Variants in SYCP1 observed in about 807,000 individuals in gnomAD.
SYCP1 encodes the protein synaptonemal complex protein 1, also known as cancer/testis antigen 8.
In SYCP1, 64 loss-of-function variants were observed where a neutral mutation model predicts 153.1. That is an observed-to-expected ratio of 0.42 (90% CI 0.34 to 0.51). The LOEUF is 0.51. Among genes scored for constraint, SYCP1 ranks in the 20% least tolerant of loss-of-function variants. The probability of loss-of-function intolerance (pLI) is 0.06; values close to 1 mark genes in which losing one functional copy is unlikely to be tolerated. For missense variants in SYCP1, 997 were observed against 1,049.0 expected (o/e 0.95, Z 0.68); for synonymous variants, 384 against 341.8 (o/e 1.12, Z -1.36).
chr1:114,967,073 C>A (rs1672175979), intron 27 of SYCP1, among the ~76,000 whole-genome samples: 1 of 152,128 alleles, frequency 6.6e-6, no homozygotes, highest in Non-Finnish European at 1.5e-5. Flanking sequence ...TTTGCATTTG[C>A]TGAGGGTGTT....
At chr1:114,881,832 T>C (rs542990357) in intron 12 of SYCP1, among the ~76,000 whole-genome samples, 10 of 152,292 alleles carry the variant, frequency 6.6e-5, no homozygotes, top group Admixed American at 3.3e-4. Context: ...GTCAGTAATA[T>C]CTTTTCCCTC....
At chr1:114,984,120 C>G (rs966768044) in intron 29 of SYCP1, among the ~76,000 whole-genome samples, 5 of 151,898 alleles carry the variant, frequency 3.3e-5, no homozygotes, top group African/African-American at 1.2e-4. Context: ...GTTGCTCAGT[C>G]TAGTTTTGAA....
At chr1:114,906,475 C>A (rs1030879271) in intron 16 of SYCP1, among the ~76,000 whole-genome samples, 8 of 151,898 alleles carry the variant, frequency 5.3e-5, no homozygotes, top group South Asian at 2.1e-4. Flanking sequence ...TGTTTTGAGA[C>A]CTTTCTTTTT....
At chr1:114,916,344 C>T (rs913010999) in intron 20 of SYCP1, among the ~76,000 whole-genome samples, 1 of 151,654 alleles carries the variant, frequency 6.6e-6, no homozygotes, top group African/African-American at 2.4e-5. Flanking sequence ...AATACTTTTT[C>T]CTTATTTTGA....
chr1:114,855,329 C>CT lies in SYCP1; in HGVS notation c.-24-103dup, dbSNP rs56672723. 4.7e-4 allele frequency: 242 copies of CT among 512,390 alleles called. 1 individual carries two copies. Among genetic ancestry groups the CT allele is most frequent in the South Asian group, 1.2e-3 (31 of 26,440 alleles). 31.7% of individuals were successfully genotyped at this position (512,390 alleles called of 1,614,324 possible). A position where few individuals can be genotyped will look rare whatever the true frequency, so the allele number is the denominator to read the frequency against. Reference sequence around the variant, plus strand: ...ACTGTAGCGAGAGCCCCGTGGATTCCTTTTTTTTTAGCCATTTAGTTTGTA... The same window carrying CT: ...ACTGTAGCGAGAGCCCCGTGGATTCCTTTTTTTTTTAGCCATTTAGTTTGTA... On this transcript the variant is annotated intron_variant, in intron 1 of 31. Coordinates refer to ENST00000369522, the MANE Select transcript of SYCP1 (RefSeq NM_003176.4).
intron 11 of SYCP1, among the ~76,000 whole-genome samples, chr1:114,877,717 TA>T (rs745373746): frequency 6.6e-6 from 1 of 152,190 alleles, no homozygotes; most frequent in Non-Finnish European, 1.5e-5. Context: ...TGGGGGTTTC[TA>T]AATTCTTGCT....
intron 27 of SYCP1, among the ~76,000 whole-genome samples, chr1:114,975,464 T>C (rs1672749075): frequency 6.6e-6 from 1 of 151,736 alleles, no homozygotes; most frequent in Non-Finnish European, 1.5e-5. Context: ...TGTTTCATAT[T>C]GCCCTACATA....
chr1:114,974,387 TTTTAAATGTACAGTTCAGCAGTG>T, intron 27 of SYCP1, among the ~76,000 whole-genome samples: 1 of 151,958 alleles, frequency 6.6e-6, no homozygotes, highest in East Asian at 1.9e-4. Context: ...TCTTAACACT[TTTTAAATGTACAGTTCAGCAGTG>T]TTAAGTATAT....
At chr1:114,937,077 G>C (rs551904502) in intron 23 of SYCP1, among the ~76,000 whole-genome samples, 8 of 152,158 alleles carry the variant, frequency 5.3e-5, no homozygotes, top group Non-Finnish European at 1.2e-4. Context: ...AAAAGAGCCC[G>C]CATTGCCAAG....
intron 20 of SYCP1, among the ~76,000 whole-genome samples, chr1:114,918,539 A>G (rs1668657363): frequency 6.6e-6 from 1 of 151,998 alleles, no homozygotes; most frequent in South Asian, 2.1e-4. Flanking sequence ...TGTCATTGGT[A>G]TTTTGATAGA....
intron 27 of SYCP1, among the ~76,000 whole-genome samples, chr1:114,974,517 A>G (rs1374827996): frequency 1.3e-5 from 2 of 151,750 alleles, no homozygotes; most frequent in East Asian, 3.9e-4. Context: ...TCTTCCTCCC[A>G]GTCCTTGGCA....
rs140070540 is a variant in SYCP1 at position 114,880,260 on chromosome 1, T to C, written c.910+2058T>C. Among the ~76,000 whole-genome samples, 971 of 152,352 alleles carry C rather than the reference T, an allele frequency of 6.4e-3. 9 individuals carry two copies. Among genetic ancestry groups the C allele is most frequent in the African/African-American group, 0.022 (913 of 41,588 alleles). ...CAAGAACTCTTTTCATCTTGCAAAA[T>C]GGAAACTCTGTACCCATTAAAAAAT... On this transcript the variant is annotated intron_variant, in intron 12 of 31. Coordinates refer to ENST00000369522, the MANE Select transcript of SYCP1 (RefSeq NM_003176.4).
intron 30 of SYCP1, among the ~76,000 whole-genome samples, chr1:114,993,696 GACA>G (rs1277580538): frequency 6.6e-6 from 1 of 151,378 alleles, no homozygotes; most frequent in Non-Finnish European, 1.5e-5. Context: ...TAAATTAAGT[GACA>G]ACATTATATT....
chr1:114,866,958 A>C (rs1044682956), intron 8 of SYCP1, among the ~76,000 whole-genome samples: 1 of 151,596 alleles, frequency 6.6e-6, no homozygotes, highest in East Asian at 1.9e-4. Context: ...TGTTGAAAAG[A>C]CCATCTTTTC....
intron 27 of SYCP1, among the ~76,000 whole-genome samples, chr1:114,964,009 A>G (rs1267273135): frequency 2.0e-5 from 3 of 152,128 alleles, no homozygotes; most frequent in African/African-American, 4.8e-5. Context: ...AAGCATTCCT[A>G]TTTCTCCACA....
intron 23 of SYCP1, among the ~76,000 whole-genome samples, chr1:114,932,492 C>T (rs1011684801): frequency 9.9e-5 from 15 of 152,248 alleles, no homozygotes; most frequent in Admixed American, 5.2e-4. Context: ...GCATGAGTGA[C>T]GCAGAAGATG....
intron 8 of SYCP1, among the ~76,000 whole-genome samples, chr1:114,867,549 C>T (rs72694068): frequency 0.061 from 9,259 of 151,780 alleles, 317 homozygotes; most frequent in Middle Eastern, 0.14. Flanking sequence ...TTTCAAATTC[C>T]GCTTATTCAT....
chr1:114,890,119 G>A (rs1046197711), intron 15 of SYCP1, among the ~76,000 whole-genome samples: 2 of 151,954 alleles, frequency 1.3e-5, no homozygotes, highest in African/African-American at 4.8e-5. Flanking sequence ...AACCATGTGT[G>A]TTTTTTAGCA....
chr1:114,879,084 T>A (rs539982546), intron 12 of SYCP1, among the ~76,000 whole-genome samples: 1 of 152,176 alleles, frequency 6.6e-6, no homozygotes, highest in East Asian at 1.9e-4. Context: ...CTTATTGAAC[T>A]CAGACAGATG....
Sources: allele counts gnomAD v4.1 joint callset (sites outside exome capture counted in the v4.1 genomes callset), GRCh38; gene constraint gnomAD v4.1.1; transcripts MANE v1.5; gene names NCBI Gene and HGNC (gene_info 2026-07-23, HGNC 2026-07-21).